The following FAP variants were observed in gnomAD, a reference collection of about 807,000 sequenced individuals.
The protein encoded by FAP is prolyl endopeptidase FAP.
FAP carries 110 observed loss-of-function variants against 126.5 expected under a neutral mutation model. The observed-to-expected ratio is 0.87, with a 90% CI of 0.74 to 1.02. The LOEUF is 1.02. Ranked by LOEUF, FAP falls within the 50% of genes least tolerant of loss-of-function variation. FAP has a pLI of 0.00. For missense variants in FAP, 919 were observed against 909.2 expected (o/e 1.01, Z -0.14); for synonymous variants, 334 against 297.3 (o/e 1.12, Z -1.27).
chr2:162,207,602 C>G (rs948688773), intron 12 of FAP, among the ~76,000 whole-genome samples: 6 of 151,850 alleles, frequency 4.0e-5, no homozygotes, highest in South Asian at 2.1e-4. Context: ...TAAAAAAGTT[C>G]TACAGCTGGG....
intron 12 of FAP, among the ~76,000 whole-genome samples, chr2:162,204,223 T>C (rs899759000): frequency 1.3e-5 from 2 of 152,218 alleles, no homozygotes; most frequent in Non-Finnish European, 2.9e-5. Flanking sequence ...GAAGTCACTG[T>C]AGGCTCCTTT....
intron 2 of FAP, among the ~76,000 whole-genome samples, chr2:162,237,817 G>A (rs1028439759): frequency 6.6e-6 from 1 of 152,180 alleles, no homozygotes; most frequent in Admixed American, 6.5e-5. Flanking sequence ...CCCACCAACA[G>A]TGTAAAAGCA....
In FAP at chr2:162,203,033, G is replaced by T; in HGVS notation, c.1152+8C>A. 6.2e-7 allele frequency: 1 copy of T among 1,605,164 alleles called. No homozygotes were observed. Among genetic ancestry groups the T allele is most frequent in the South Asian group, 1.1e-5 (1 of 90,834 alleles). ...TCTTTGAGGAGATAAATCTTGGAAGGAACGTACCACAGTGTCTTTGATATA... is the reference window on the plus strand; with the variant it reads ...TCTTTGAGGAGATAAATCTTGGAAGTAACGTACCACAGTGTCTTTGATATA... On this transcript the variant is annotated splice_region_variant and intron_variant, in intron 13 of 25. Coordinates refer to ENST00000188790, the MANE Select transcript of FAP (RefSeq NM_004460.5).
intron 12 of FAP, among the ~76,000 whole-genome samples, chr2:162,208,602 C>T (rs1688801457): frequency 6.6e-6 from 1 of 152,034 alleles, no homozygotes; most frequent in Admixed American, 6.5e-5. Context: ...ATTCTTTCTT[C>T]CCTTCGTTCT....
chr2:162,238,601 C>A (rs531632227), intron 2 of FAP, among the ~76,000 whole-genome samples: 34 of 152,216 alleles, frequency 2.2e-4, no homozygotes, highest in African/African-American at 7.9e-4. Context: ...TTTTCCTTAA[C>A]CTTTTAGACT....
intron 6 of FAP, chr2:162,221,607 C>A: frequency 2.2e-6 from 1 of 454,058 alleles, no homozygotes; most frequent in Admixed American, 2.4e-5. Flanking sequence ...CATACTGTAA[C>A]ATTGTCTCAG....
chr2:162,187,270 G>A (rs1266809210), intron 20 of FAP, among the ~76,000 whole-genome samples: 1 of 152,020 alleles, frequency 6.6e-6, no homozygotes, highest in Non-Finnish European at 1.5e-5. Context: ...ATAACATTAA[G>A]GGGATAAAAA....
chr2:162,198,844 C>T lies in FAP; in HGVS notation c.1315G>A (p.Val439Ile). ...IGSYPPSKKC[V>I]TCHLRKERCQ... ...CTTTCTTTCCTTAGATGGCAAGTAA[C>T]ACACTTCTTGCTTGGAGGATAGCTT... is the stretch of plus-strand genomic sequence containing the variant. Residue 439 changes from valine to isoleucine, a missense_variant, in exon 16 of 26, where the codon GTT becomes ATT. Transcript: ENST00000188790. 1.2e-6 allele frequency: 2 copies of T among 1,613,314 alleles called. No homozygotes were observed. Among genetic ancestry groups the T allele is most frequent in the South Asian group, 1.1e-5 (1 of 91,064 alleles).
rs943716695 is a variant in FAP at position 162,178,253 on chromosome 2, C to A, written c.1870-3287G>T. On this transcript the variant is annotated intron_variant, in intron 21 of 25. Transcript: ENST00000188790. ...TAGGCCTATATTAACAAAGCGAAGCCCAGAAATGAGGCTGTTATTCTAATA... is the reference window on the plus strand; with the variant it reads ...TAGGCCTATATTAACAAAGCGAAGCACAGAAATGAGGCTGTTATTCTAATA... Among the ~76,000 whole-genome samples, 92 of 152,082 alleles carry A rather than the reference C, an allele frequency of 6.0e-4. 5 individuals are homozygous for A. The highest frequency in any genetic ancestry group is 5.9e-5 in the Non-Finnish European group (4 of 68,024).
chr2:162,180,569 C>T (rs374065295), intron 21 of FAP, among the ~76,000 whole-genome samples: 2 of 152,072 alleles, frequency 1.3e-5, no homozygotes, highest in East Asian at 1.9e-4. Flanking sequence ...AAGGCAGTGT[C>T]AGTAGGGATG....
chr2:162,189,876 G>C (rs1687979465), intron 17 of FAP, 122 bp from the exon 18 acceptor site: 5 of 603,370 alleles, frequency 8.3e-6, no homozygotes, highest in Non-Finnish European at 1.2e-5. Flanking sequence ...CTTAAGAAGT[G>C]AAGTTTCATA....
chr2:162,176,459 A>G (rs1687487210), intron 21 of FAP: 2 of 152,196 alleles, frequency 1.3e-5, no homozygotes, highest in African/African-American at 4.8e-5. Context: ...GGGAAAAAGT[A>G]TATTTTAAAA....
At chr2:162,210,596 A>G (rs993668113) in intron 11 of FAP, among the ~76,000 whole-genome samples, 2 of 152,166 alleles carry the variant, frequency 1.3e-5, no homozygotes, top group African/African-American at 4.8e-5. Flanking sequence ...TTAGAAGATG[A>G]AGGAGAATGC....
intron 11 of FAP, among the ~76,000 whole-genome samples, chr2:162,213,460 A>G (rs1434220858): frequency 6.6e-6 from 1 of 151,840 alleles, no homozygotes; most frequent in Non-Finnish European, 1.5e-5. Context: ...TTCTTTTGAT[A>G]ATATCCATTT....
intron 15 of FAP, 36 bp downstream of exon 15, chr2:162,200,530 C>A (rs1324785235): frequency 8.4e-7 from 1 of 1,184,578 alleles, no homozygotes; most frequent in Non-Finnish European, 1.2e-6. Flanking sequence ...AAAATATCAA[C>A]ACATAGAAAT....
rs561160535 is a variant in FAP at position 162,172,915 on chromosome 2, T to G, written c.2108-31A>C. 7 of 1,530,610 alleles carry G rather than the reference T, an allele frequency of 4.6e-6. No homozygotes were observed. The African/African-American group carries it at 5.5e-5, about 12-fold the overall frequency. The allele number at this position is 1,530,610 out of a possible 1,614,324, so 94.8% of individuals were successfully genotyped here. ...ACAAAGAGAGAGAGAGTTAAAGTGC[T>G]GCTAAATACCAGAAAGCATAGAGTG... is the stretch of plus-strand genomic sequence containing the variant. On this transcript the variant is annotated intron_variant, in intron 24 of 25. Coordinates refer to ENST00000188790, the MANE Select transcript of FAP (RefSeq NM_004460.5).
rs879706574 is a variant in FAP at position 162,239,125 on chromosome 2, T to C, written c.91+3783A>G. ...TCAGTTTCCTTTTGGTTTCCTGAACTTCCCAAACACTTTTCTGATATTCAG... is the reference window on the plus strand; with the variant it reads ...TCAGTTTCCTTTTGGTTTCCTGAACCTCCCAAACACTTTTCTGATATTCAG... On this transcript the variant is annotated intron_variant, in intron 2 of 25. Coordinates refer to ENST00000188790, the MANE Select transcript of FAP (RefSeq NM_004460.5). Among the ~76,000 whole-genome samples the C allele has an allele frequency of 1.2e-4, 18 of 152,294 alleles. No individual in the cohort carries two copies. In the East Asian group the frequency reaches 1.3e-3, roughly 11 times the overall value.
chr2:162,202,507 T>C (rs1688535814), intron 14 of FAP, among the ~76,000 whole-genome samples: 1 of 152,220 alleles, frequency 6.6e-6, no homozygotes, highest in Non-Finnish European at 1.5e-5. Flanking sequence ...TAACAATGAA[T>C]CACTACAAAA....
At position 162,188,230 on chromosome 2, in the gene FAP, G is replaced by C. The variant is rs1168285265; in HGVS notation, c.1753C>G (p.Leu585Val). 1 of 1,613,272 alleles carries C rather than the reference G, an allele frequency of 6.2e-7. No homozygotes were observed. Among genetic ancestry groups the C allele is most frequent in the East Asian group, 2.2e-5 (1 of 44,858 alleles). The part of the protein sequence containing the change: ...RGTAFQGDKL[L>V]YAVYRKLGVY... Reference sequence around the variant, plus strand: ...CCCAGCTTTCGATACACTGCATAGAGGAGTTTGTCACCTTGGAAAGCTGTT... The same window carrying C: ...CCCAGCTTTCGATACACTGCATAGACGAGTTTGTCACCTTGGAAAGCTGTT... Residue 585 changes from leucine to valine, a missense_variant, in exon 20 of 26, where the codon CTC becomes GTC. Coordinates refer to ENST00000188790, the MANE Select transcript of FAP (RefSeq NM_004460.5).
Sources: allele counts gnomAD v4.1 joint callset (sites outside exome capture counted in the v4.1 genomes callset), GRCh38; gene constraint gnomAD v4.1.1; transcripts MANE v1.5; gene names NCBI Gene and HGNC (gene_info 2026-07-23, HGNC 2026-07-21).